RERG: variants seen among roughly 807,000 people sequenced by gnomAD.
RERG encodes the protein RAS like estrogen regulated growth inhibitor, also known as ras-related and estrogen-regulated growth inhibitor.
A neutral mutation model predicts 23.2 loss-of-function variants in RERG; 25 were observed. The ratio of observed to expected loss-of-function variants is 1.08; its 90% CI spans 0.79 to 1.50. RERG has a LOEUF of 1.50. Ranked by LOEUF, RERG falls within the 40% of genes most tolerant of loss-of-function variation. The pLI, the probability that RERG is intolerant of heterozygous loss-of-function variation, is 0.00. For synonymous variants in RERG, 81 were observed against 89.1 expected, an observed-to-expected ratio of 0.91 and a Z score of 0.51; for missense variants, 253 against 250.1, an observed-to-expected ratio of 1.01 and a Z score of -0.08.
intron 2 of RERG, among the ~76,000 whole-genome samples, chr12:15,211,462 T>C (rs543185828): frequency 2.0e-5 from 3 of 152,240 alleles, no homozygotes; most frequent in South Asian, 2.1e-4. Flanking sequence ...CTCACTGATA[T>C]GTGGAATCTA....
At chr12:15,190,903 T>C (rs1865061841) in intron 2 of RERG, among the ~76,000 whole-genome samples, 1 of 152,148 alleles carries the variant, frequency 6.6e-6, no homozygotes, top group African/African-American at 2.4e-5. Flanking sequence ...AGGCTTGACT[T>C]GGAAAAGATT....
At chr12:15,137,213 A>G (rs1254453915) in intron 2 of RERG, among the ~76,000 whole-genome samples, 1 of 151,792 alleles carries the variant, frequency 6.6e-6, no homozygotes, top group Non-Finnish European at 1.5e-5. Context: ...TCTGTCTGAT[A>G]TTAATATAGC....
intron 2 of RERG, among the ~76,000 whole-genome samples, chr12:15,133,614 T>G (rs1864092288): frequency 6.6e-6 from 1 of 152,140 alleles, no homozygotes; most frequent in Non-Finnish European, 1.5e-5. Context: ...ATCAAGGAAT[T>G]TGATTCCTGA....
At chr12:15,185,553 C>A (rs1864978530) in intron 2 of RERG, among the ~76,000 whole-genome samples, 1 of 152,054 alleles carries the variant, frequency 6.6e-6, no homozygotes, top group Admixed American at 6.6e-5. Flanking sequence ...AAAGTAATTG[C>A]GTCATTTTTT....
intron 4 of RERG, among the ~76,000 whole-genome samples, chr12:15,110,635 T>C (rs1436918349): frequency 6.6e-6 from 1 of 151,700 alleles, no homozygotes; most frequent in African/African-American, 2.4e-5. Flanking sequence ...CCCACCACCA[T>C]GCCTGGCTAA....
At chr12:15,216,102 C>T (rs1668111448) in intron 2 of RERG, among the ~76,000 whole-genome samples, 1 of 152,232 alleles carries the variant, frequency 6.6e-6, no homozygotes, top group African/African-American at 2.4e-5. Flanking sequence ...TCTTCTCCCA[C>T]ACTGCCTTCC....
chr12:15,188,959 CA>C (rs1449060578), intron 2 of RERG, among the ~76,000 whole-genome samples: 1 of 151,980 alleles, frequency 6.6e-6, no homozygotes, highest in East Asian at 1.9e-4. Context: ...GATCAGTCAC[CA>C]AAAAACACAA....
intron 2 of RERG, among the ~76,000 whole-genome samples, chr12:15,154,735 G>C (rs1178770558): frequency 1.3e-5 from 2 of 152,104 alleles, no homozygotes; most frequent in Non-Finnish European, 2.9e-5. Flanking sequence ...ATCTCACTCG[G>C]CAATCATATT....
intron 2 of RERG, among the ~76,000 whole-genome samples, chr12:15,213,156 A>G (rs1865392390): frequency 6.6e-6 from 1 of 152,338 alleles, no homozygotes; most frequent in Non-Finnish European, 1.5e-5. Flanking sequence ...GTGGCACACA[A>G]TATTTCAGTT....
chr12:15,137,043 A>C (rs1022051409), intron 2 of RERG, among the ~76,000 whole-genome samples: 1 of 151,848 alleles, frequency 6.6e-6, no homozygotes, highest in Admixed American at 6.6e-5. Context: ...TTTCTCCTTA[A>C]AGTTCCATCA....
rs1865461027 is a variant in RERG at position 15,217,594 on chromosome 12, G to A, written c.-105C>T. 1.2e-6 allele frequency: 1 copy of A among 806,264 alleles called. No homozygotes were observed. Among genetic ancestry groups the A allele is most frequent in the East Asian group, 2.5e-5 (1 of 40,180 alleles). 49.9% of individuals were successfully genotyped at this position (806,264 alleles called of 1,614,324 possible). A position where few individuals can be genotyped will look rare whatever the true frequency, so the allele number is the denominator to read the frequency against. ...CCATATCATTGTGAATCTTGGAAGAGTCCACAATCCTTAAACAAAAGAAAT... is the reference window on the plus strand; with the variant it reads ...CCATATCATTGTGAATCTTGGAAGAATCCACAATCCTTAAACAAAAGAAAT... On this transcript the variant is annotated 5_prime_UTR_variant, in exon 2 of 5. Coordinates refer to ENST00000256953, the MANE Select transcript of RERG (RefSeq NM_032918.3).
At chr12:15,182,774 TCTAA>T (rs1226708852) in intron 2 of RERG, among the ~76,000 whole-genome samples, 1 of 152,120 alleles carries the variant, frequency 6.6e-6, no homozygotes, top group African/African-American at 2.4e-5. Context: ...ACAGACATTA[TCTAA>T]CTAAGAAGGT....
chr12:15,130,599 T>C (rs1473118233), intron 2 of RERG, among the ~76,000 whole-genome samples: 2 of 152,136 alleles, frequency 1.3e-5, no homozygotes, highest in East Asian at 1.9e-4. Context: ...AAAATAAAAT[T>C]GAGCAATTTA....
At chr12:15,220,491 C>G (rs1365519059) in intron 1 of RERG, among the ~76,000 whole-genome samples, 1 of 152,172 alleles carries the variant, frequency 6.6e-6, no homozygotes, top group African/African-American at 2.4e-5. Context: ...AGCTTACACT[C>G]TGTTAGACCT....
At chr12:15,183,016 G>A (rs1476426258) in intron 2 of RERG, among the ~76,000 whole-genome samples, 1 of 152,144 alleles carries the variant, frequency 6.6e-6, no homozygotes, top group African/African-American at 2.4e-5. Context: ...AGGAGGTTGA[G>A]GCTGCAGTGA....
At chr12:15,145,763 TG>T (rs1864321655) in intron 2 of RERG, among the ~76,000 whole-genome samples, 3 of 152,254 alleles carry the variant, frequency 2.0e-5, no homozygotes, top group Admixed American at 2.0e-4. Flanking sequence ...AACCCCACGG[TG>T]GCTGAATTGG....
chr12:15,156,357 CTG>C lies in RERG; in HGVS notation c.62-35240_62-35239del, dbSNP rs375706435. Among the ~76,000 whole-genome samples the C allele has an allele frequency of 1.5e-3, 226 of 152,280 alleles. 6 individuals carry two copies. In the South Asian group the frequency reaches 0.045, roughly 31 times the overall value. ...AGTTCACAGACCCCCTGAAATCTAC[CTG>C]TGGACCCTTTGCTGGATCTGGAGTT... On this transcript the variant is annotated intron_variant, in intron 2 of 4. Transcript: ENST00000256953.
chr12:15,171,640 T>A lies in RERG; in HGVS notation c.61+45789A>T, dbSNP rs149490037. 4.6e-5 allele frequency among the ~76,000 whole-genome samples: 7 copies of A among 152,322 alleles called. No individual in the cohort carries two copies. In the East Asian group the frequency reaches 1.4e-3, roughly 29 times the overall value. ...AACAATTTTCTCTTCTTATTTTTCATGTTGTTAATGAATTATTTTTAAGTG... is the reference window on the plus strand; with the variant it reads ...AACAATTTTCTCTTCTTATTTTTCAAGTTGTTAATGAATTATTTTTAAGTG... On this transcript the variant is annotated intron_variant, in intron 2 of 4. Coordinates refer to ENST00000256953, the MANE Select transcript of RERG (RefSeq NM_032918.3).
At chr12:15,149,849 A>C (rs1864407984) in intron 2 of RERG, among the ~76,000 whole-genome samples, 1 of 152,224 alleles carries the variant, frequency 6.6e-6, no homozygotes, top group Non-Finnish European at 1.5e-5. Flanking sequence ...GTCTAGGACC[A>C]GCCTACAGAT....
Sources: allele counts gnomAD v4.1 joint callset (sites outside exome capture counted in the v4.1 genomes callset), GRCh38; gene constraint gnomAD v4.1.1; transcripts MANE v1.5; gene names NCBI Gene and HGNC (gene_info 2026-07-23, HGNC 2026-07-21).